The following FBXL17 variants were observed in gnomAD, a reference collection of about 807,000 sequenced individuals.
FBXL17 encodes the protein F-box and leucine rich repeat protein 17.
In FBXL17, 22 loss-of-function variants were observed where a neutral mutation model predicts 66.2. The ratio of observed to expected loss-of-function variants is 0.33; its 90% CI spans 0.24 to 0.47. The LOEUF (loss-of-function observed/expected upper bound fraction) is 0.47. Ranked by LOEUF, FBXL17 falls within the 20% of genes least tolerant of loss-of-function variation. FBXL17 has a pLI of 1.00. For missense variants in FBXL17, 878 were observed against 948.2 expected, an observed-to-expected ratio of 0.93 and a Z score of 0.97; for synonymous variants, 474 against 400.5, an observed-to-expected ratio of 1.18 and a Z score of -2.19.
chr5:108,180,237 G>A (rs1456750966), intron 6 of FBXL17, among the ~76,000 whole-genome samples: 1 of 152,234 alleles, frequency 6.6e-6, no homozygotes. Context: ...CTGGTTGGGG[G>A]CAGTGGTTCA....
chr5:108,013,424 A>G (rs1020202346), intron 7 of FBXL17, among the ~76,000 whole-genome samples: 1 of 152,216 alleles, frequency 6.6e-6, no homozygotes, highest in Non-Finnish European at 1.5e-5. Flanking sequence ...GCATCCATTC[A>G]GACACCTGTT....
At chr5:107,980,665 T>TATATATGTATATA (rs1363335386) in intron 7 of FBXL17, among the ~76,000 whole-genome samples, 1 of 79,178 alleles carries the variant, frequency 1.3e-5, no homozygotes, top group African/African-American at 9.0e-5. Context: ...TATATATATA[T>TATATATGTATATA]TTTTTTTTTG....
intron 4 of FBXL17, among the ~76,000 whole-genome samples, chr5:108,330,140 T>C (rs531576753): frequency 6.6e-6 from 1 of 152,294 alleles, no homozygotes; most frequent in African/African-American, 2.4e-5. Flanking sequence ...GGATCCAGAA[T>C]CATACTACCT....
intron 6 of FBXL17, among the ~76,000 whole-genome samples, chr5:108,100,392 G>A (rs960215196): frequency 6.6e-6 from 1 of 152,112 alleles, no homozygotes; most frequent in African/African-American, 2.4e-5. Context: ...ATGAATTCAT[G>A]GCTAATCTTA....
intron 5 of FBXL17, among the ~76,000 whole-genome samples, chr5:108,190,567 C>G (rs1753430995): frequency 1.3e-5 from 2 of 152,200 alleles, no homozygotes; most frequent in Non-Finnish European, 2.9e-5. Flanking sequence ...CCATATATAT[C>G]TTAACACAGG....
chr5:108,309,839 G>A (rs996194137), intron 4 of FBXL17, among the ~76,000 whole-genome samples: 32 of 151,978 alleles, frequency 2.1e-4, no homozygotes, highest in African/African-American at 7.2e-4. Context: ...AGAAGGTACT[G>A]ATTTTGTAAT....
At chr5:108,094,788 T>TCTCATAATATTCAG (rs2149933844) in intron 6 of FBXL17, among the ~76,000 whole-genome samples, 1 of 151,904 alleles carries the variant, frequency 6.6e-6, no homozygotes, top group Non-Finnish European at 1.5e-5. Context: ...TGATTAGGAA[T>TCTCATAATATTCAG]CTCATGGAGG....
chr5:108,163,348 C>T (rs185270284), intron 6 of FBXL17, among the ~76,000 whole-genome samples: 136 of 150,578 alleles, frequency 9.0e-4, no homozygotes, highest in African/African-American at 3.2e-3. Context: ...GACAAATACA[C>T]GAAAATGGGC....
intron 7 of FBXL17, among the ~76,000 whole-genome samples, chr5:107,926,314 G>A (rs1750522601): frequency 6.6e-6 from 1 of 152,130 alleles, no homozygotes; most frequent in African/African-American, 2.4e-5. Flanking sequence ...ATAGAGATGA[G>A]GAAGGGGAGG....
intron 1 of FBXL17, 43 bp downstream of exon 1, chr5:108,380,656 G>A (rs1749784681): frequency 4.4e-6 from 4 of 910,550 alleles, no homozygotes; most frequent in African/African-American, 1.8e-5. Context: ...GGGGCCGGGG[G>A]TGGGGGAAAG....
chr5:108,166,685 T>C (rs1752429146), intron 6 of FBXL17, among the ~76,000 whole-genome samples: 1 of 152,204 alleles, frequency 6.6e-6, no homozygotes, highest in Non-Finnish European at 1.5e-5. Flanking sequence ...AAGAGCTTGC[T>C]GGCAGAAGGC....
At chr5:107,878,912 C>T (rs1410539536) in intron 8 of FBXL17, 15 of 985,326 alleles carry the variant, frequency 1.5e-5, no homozygotes, top group Non-Finnish European at 1.8e-5. Flanking sequence ...GTGCTGGAGC[C>T]AATGGGTTCT....
At chr5:108,216,330 C>G (rs1754597888) in intron 5 of FBXL17, among the ~76,000 whole-genome samples, 1 of 151,872 alleles carries the variant, frequency 6.6e-6, no homozygotes, top group Admixed American at 6.6e-5. Flanking sequence ...TAGTGGATGC[C>G]TTTTCATTAT....
intron 6 of FBXL17, among the ~76,000 whole-genome samples, chr5:108,158,017 C>T (rs1335886806): frequency 6.6e-6 from 1 of 151,978 alleles, no homozygotes; most frequent in Non-Finnish European, 1.5e-5. Context: ...ACAAAACTTG[C>T]CTCTTGAATA....
intron 3 of FBXL17, among the ~76,000 whole-genome samples, chr5:108,356,418 T>G (rs1405489205): frequency 1.3e-5 from 2 of 152,290 alleles, no homozygotes; most frequent in East Asian, 3.9e-4. Context: ...TACCAGAACT[T>G]GGACATGCCC....
intron 7 of FBXL17, among the ~76,000 whole-genome samples, chr5:107,883,727 G>GC (rs1453268157): frequency 3.9e-5 from 6 of 152,168 alleles, no homozygotes; most frequent in Non-Finnish European, 5.9e-5. Flanking sequence ...CCTAGCACAT[G>GC]CCTCGTACAG....
At chr5:108,083,311 A>G (rs1248836252) in intron 6 of FBXL17, among the ~76,000 whole-genome samples, 1 of 152,048 alleles carries the variant, frequency 6.6e-6, no homozygotes, top group Non-Finnish European at 1.5e-5. Flanking sequence ...ACAGAGGAAT[A>G]AAATATTTTC....
At chr5:108,358,603 T>C (rs34019963) in intron 3 of FBXL17, among the ~76,000 whole-genome samples, 43,973 of 151,952 alleles carry the variant, frequency 0.29, 7,037 homozygotes, top group Middle Eastern at 0.38. Context: ...TTTGAAGATT[T>C]TTACATACTC....
At chr5:107,912,608 C>T (rs867981797) in intron 7 of FBXL17, among the ~76,000 whole-genome samples, 13 of 151,780 alleles carry the variant, frequency 8.6e-5, no homozygotes, top group Non-Finnish European at 1.5e-4. Flanking sequence ...AAACAAAATA[C>T]GATAAATTTT....
Sources: gnomAD v4.1 joint callset for allele counts (sites outside exome capture counted in the v4.1 genomes callset) on GRCh38, gnomAD v4.1.1 for gene constraint, MANE v1.5 for transcripts, NCBI Gene and HGNC (gene_info 2026-07-23, HGNC 2026-07-21) for gene names.